Variants in CACNB4 observed in about 807,000 individuals in gnomAD.
CACNB4 encodes the protein calcium voltage-gated channel auxiliary subunit beta 4, also known as voltage-dependent L-type calcium channel subunit beta-4.
CACNB4 carries 32 observed loss-of-function variants against 71.2 expected under a neutral mutation model. The observed-to-expected ratio is 0.45, with a 90% CI of 0.34 to 0.60. The LOEUF is 0.60. CACNB4 is among the 20% of genes least tolerant of loss of function. CACNB4 has a pLI of 0.01. For missense variants in CACNB4, 464 were observed against 647.9 expected, an observed-to-expected ratio of 0.72 and a Z score of 3.08; for synonymous variants, 231 against 236.9, an observed-to-expected ratio of 0.97 and a Z score of 0.23.
chr2:151,940,932 A>G lies in CACNB4; in HGVS notation c.148-57562T>C, dbSNP rs542544075. Among the ~76,000 whole-genome samples, 33 of 152,276 alleles carry G rather than the reference A, an allele frequency of 2.2e-4. No individual in the cohort carries two copies. In the East Asian group the frequency reaches 5.4e-3, roughly 25 times the overall value. The stretch of plus-strand genomic sequence containing the variant: ...TGGTCTGGCTGGGTTCATTTTTGAC[A>G]TTTCCTTGCAGGTAGTAAATGGGAA... On this transcript the variant is annotated intron_variant, in intron 2 of 13. Coordinates refer to ENST00000539935, the MANE Select transcript of CACNB4 (RefSeq NM_000726.5).
chr2:151,919,006 T>G (rs1400163610), intron 2 of CACNB4, among the ~76,000 whole-genome samples: 1 of 152,192 alleles, frequency 6.6e-6, no homozygotes, highest in Non-Finnish European at 1.5e-5. Flanking sequence ...TTCCGTAATA[T>G]ATGGAAGGTG....
At chr2:152,086,544 C>T (rs1687670949) in intron 2 of CACNB4, among the ~76,000 whole-genome samples, 1 of 152,200 alleles carries the variant, frequency 6.6e-6, no homozygotes, top group African/African-American at 2.4e-5. Context: ...AACTCAAGCA[C>T]TCCGCTTTCT....
chr2:152,091,811 G>C (rs1348564312), intron 2 of CACNB4, among the ~76,000 whole-genome samples: 1 of 152,118 alleles, frequency 6.6e-6, no homozygotes, highest in South Asian at 2.1e-4. Context: ...GGGAGGAACT[G>C]GTAGAAGACT....
chr2:152,023,375 T>A (rs990465274), intron 2 of CACNB4, among the ~76,000 whole-genome samples: 1 of 151,652 alleles, frequency 6.6e-6, no homozygotes, highest in African/African-American at 2.4e-5. Context: ...AAAATAAAAC[T>A]GAAATAAGTT....
At chr2:152,029,185 G>A (rs1017835487) in intron 2 of CACNB4, among the ~76,000 whole-genome samples, 1 of 152,206 alleles carries the variant, frequency 6.6e-6, no homozygotes, top group Admixed American at 6.5e-5. Flanking sequence ...ATGAGATTAG[G>A]GTTCTTATAA....
intron 2 of CACNB4, among the ~76,000 whole-genome samples, chr2:151,887,686 T>C (rs2099849706): frequency 6.6e-6 from 1 of 152,180 alleles, no homozygotes; most frequent in Admixed American, 6.5e-5. Flanking sequence ...CTGTCACCAG[T>C]TCTAGTTGGC....
At chr2:151,871,667 C>T (rs1051806551) in intron 6 of CACNB4, 1 of 152,466 alleles carries the variant, frequency 6.6e-6, no homozygotes, top group Non-Finnish European at 1.5e-5. Flanking sequence ...CAGAACCAAT[C>T]CAGTTGCCTC....
chr2:152,078,387 G>T (rs1051835573), intron 2 of CACNB4, among the ~76,000 whole-genome samples: 13 of 152,172 alleles, frequency 8.5e-5, no homozygotes, highest in African/African-American at 2.4e-4. Context: ...TTCATTTGAA[G>T]GAAATGCTTC....
intron 2 of CACNB4, among the ~76,000 whole-genome samples, chr2:152,073,838 G>A (rs1298451328): frequency 6.6e-6 from 1 of 152,102 alleles, no homozygotes; most frequent in Admixed American, 6.5e-5. Context: ...GCTCTTATTT[G>A]ACAACAATGC....
At chr2:151,966,648 G>A (rs761650551) in intron 2 of CACNB4, among the ~76,000 whole-genome samples, 13 of 152,122 alleles carry the variant, frequency 8.5e-5, no homozygotes, top group African/African-American at 1.2e-4. Context: ...CTAATCATAA[G>A]GCCTTTGGGG....
intron 9 of CACNB4, among the ~76,000 whole-genome samples, chr2:151,864,502 C>G (rs756769329): frequency 5.9e-5 from 9 of 152,192 alleles, no homozygotes; most frequent in Non-Finnish European, 1.2e-4. Context: ...TGTCTATATT[C>G]TATCCTTGCT....
chr2:151,860,229 A>G (rs2099841293), intron 10 of CACNB4: 2 of 174,428 alleles, frequency 1.1e-5, no homozygotes, highest in South Asian at 2.9e-4. Flanking sequence ...ATGCTTTCCA[A>G]CTGGTACCCC....
intron 2 of CACNB4, among the ~76,000 whole-genome samples, chr2:151,953,864 C>T (rs115946186): frequency 6.6e-6 from 1 of 152,278 alleles, no homozygotes; most frequent in African/African-American, 2.4e-5. Flanking sequence ...GTAAACAGTC[C>T]TTTGGTAACA....
In CACNB4 at chr2:151,878,937, A is replaced by G. The variant is rs575713206; in HGVS notation, c.390+1863T>C. Among the ~76,000 whole-genome samples, 117 of 152,280 alleles carry G rather than the reference A, an allele frequency of 7.7e-4. 1 individual carries two copies. In the South Asian group the frequency reaches 0.016, roughly 21 times the overall value. On this transcript the variant is annotated intron_variant, in intron 4 of 13. Transcript: ENST00000539935. ...AAAAAAATAAAAAAGAAAAGAAAAGAAAAAAATGTGAATTGACCTGATATA... is the reference window on the plus strand; with the variant it reads ...AAAAAAATAAAAAAGAAAAGAAAAGGAAAAAATGTGAATTGACCTGATATA...
At chr2:152,059,484 C>T (rs1442100007) in intron 2 of CACNB4, among the ~76,000 whole-genome samples, 2 of 152,214 alleles carry the variant, frequency 1.3e-5, no homozygotes, top group Non-Finnish European at 2.9e-5. Flanking sequence ...TTAATGACTG[C>T]CCTGTGGGAT....
rs186348439 is a variant in CACNB4 at position 151,887,717 on chromosome 2, T to G, written c.148-4347A>C. 3.3e-5 allele frequency among the ~76,000 whole-genome samples: 5 copies of G among 152,316 alleles called. No homozygotes were observed. The East Asian group carries it at 9.6e-4, about 29-fold the overall frequency. Reference sequence around the variant, plus strand: ...TTGGCTGTGAATCTTAAGCAAGTTATTTAACCTTCTGCATCCTAATTTCCT... The same window carrying G: ...TTGGCTGTGAATCTTAAGCAAGTTAGTTAACCTTCTGCATCCTAATTTCCT... On this transcript the variant is annotated intron_variant, in intron 2 of 13. Coordinates refer to ENST00000539935, the MANE Select transcript of CACNB4 (RefSeq NM_000726.5).
chr2:151,903,220 C>A (rs1342706935), intron 2 of CACNB4, among the ~76,000 whole-genome samples: 2 of 152,004 alleles, frequency 1.3e-5, no homozygotes, highest in African/African-American at 4.8e-5. Context: ...AGAAAATATT[C>A]ATTTACTTTG....
chr2:151,934,803 C>A (rs1353987227), intron 2 of CACNB4, among the ~76,000 whole-genome samples: 1 of 152,164 alleles, frequency 6.6e-6, no homozygotes, highest in African/African-American at 2.4e-5. Context: ...CACCACTGCA[C>A]TCCAGCCTGG....
At chr2:151,916,705 AGACTACTATT>A (rs1378899598) in intron 2 of CACNB4, among the ~76,000 whole-genome samples, 3 of 152,252 alleles carry the variant, frequency 2.0e-5, no homozygotes, top group African/African-American at 7.2e-5. Context: ...AGGAAACATC[AGACTACTATT>A]CTGGTGCAAA....
Sources: allele counts gnomAD v4.1 joint callset (sites outside exome capture counted in the v4.1 genomes callset), GRCh38; gene constraint gnomAD v4.1.1; transcripts MANE v1.5; gene names NCBI Gene and HGNC (gene_info 2026-07-23, HGNC 2026-07-21).